ERMARD: variants seen among roughly 807,000 people sequenced by gnomAD.
The protein encoded by ERMARD is ER membrane associated RNA degradation.
Under a neutral mutation model 83.9 loss-of-function variants are expected in ERMARD, and 71 were observed. That is an observed-to-expected ratio of 0.85 (90% confidence interval 0.70 to 1.03). The LOEUF (loss-of-function observed/expected upper bound fraction) is 1.03. ERMARD is among the 50% of genes least tolerant of loss of function. The probability of loss-of-function intolerance (pLI) is 0.00; values close to 1 mark genes in which losing one functional copy is unlikely to be tolerated. For synonymous variants in ERMARD, 284 were observed against 298.6 expected, an observed-to-expected ratio of 0.95 and a Z score of 0.50; for missense variants, 838 against 810.9, an observed-to-expected ratio of 1.03 and a Z score of -0.41.
intron 9 of ERMARD, among the ~76,000 whole-genome samples, chr6:169,763,645 CCT>C (rs1238392260): frequency 6.6e-6 from 1 of 152,230 alleles, no homozygotes; most frequent in Non-Finnish European, 1.5e-5. Context: ...GCTTTTTGCC[CCT>C]CTTTGTAGGC....
intron 14 of ERMARD, 100 bp from the exon 15 acceptor site, chr6:169,775,840 G>C (rs1793524394): frequency 1.4e-6 from 2 of 1,396,038 alleles, no homozygotes; most frequent in Admixed American, 4.8e-5. Context: ...GAGATTCACA[G>C]TCAGGTCGCT....
intron 9 of ERMARD, among the ~76,000 whole-genome samples, chr6:169,765,691 A>T (rs1046568319): frequency 6.6e-6 from 1 of 152,244 alleles, no homozygotes; most frequent in African/African-American, 2.4e-5. Flanking sequence ...ATGTTGAAGA[A>T]TATTGGCAAT....
At chr6:169,751,986 G>C in intron 1 of ERMARD, 1 of 414,100 alleles carries the variant, frequency 2.4e-6, no homozygotes, top group Non-Finnish European at 4.2e-6. Flanking sequence ...GCCGCAGGTC[G>C]GGCTCTCACC....
chr6:169,751,856 G>A (rs1790143567), intron 1 of ERMARD, 193 bp downstream of exon 1: 2 of 794,842 alleles, frequency 2.5e-6, no homozygotes, highest in Non-Finnish European at 3.6e-6. Flanking sequence ...CCTGCAAGAC[G>A]CCTGGCGGGC....
intron 1 of ERMARD, among the ~76,000 whole-genome samples, chr6:169,752,798 A>G (rs1790309244): frequency 6.6e-6 from 1 of 152,114 alleles, no homozygotes; most frequent in Non-Finnish European, 1.5e-5. Flanking sequence ...AATTGTGAGG[A>G]TTTCGATTGT....
In ERMARD at chr6:169,776,518, T is replaced by C; in HGVS notation, c.1584T>C (p.Ile528=). Residue 528 remains isoleucine (I), a synonymous_variant, in exon 16 of 18, where the codon ATT becomes ATC. Transcript: ENST00000366773. ...TPVPTLFCPR[I]VLEVLVVLRS... ...TTCCCACCCTGTTCTGCCCCAGGAT[T>C]GTGCTGGAAGTGCTGGTTGTGCTCC... 2.5e-6 allele frequency: 4 copies of C among 1,614,188 alleles called. No individual in the cohort carries two copies. Among genetic ancestry groups the C allele is most frequent in the Non-Finnish European group, 3.4e-6 (4 of 1,180,042 alleles).
chr6:169,751,710 T>TGC (rs764686304), intron 1 of ERMARD, 47 bp downstream of exon 1: 1 of 1,527,306 alleles, frequency 6.5e-7, no homozygotes, highest in South Asian at 1.2e-5. Context: ...AGGCAGGGAG[T>TGC]CGGCGCCAGG....
At chr6:169,756,580 T>G (rs777405432) in intron 4 of ERMARD, 139 bp from the exon 5 acceptor site, 36 of 949,112 alleles carry the variant, frequency 3.8e-5, no homozygotes, top group African/African-American at 1.0e-4. Context: ...ATTTCCCTTT[T>G]GAATGATTAT....
chr6:169,779,007 C>T (rs1158032046), intron 16 of ERMARD, among the ~76,000 whole-genome samples, 175 bp from the exon 17 acceptor site: 1 of 152,260 alleles, frequency 6.6e-6, no homozygotes, highest in African/African-American at 2.4e-5. Flanking sequence ...CTGGGCACTC[C>T]TGCCGGCCAC....
At chr6:169,770,809 C>CT (rs1183376110) in intron 12 of ERMARD, 6 of 151,058 alleles carry the variant, frequency 4.0e-5, no homozygotes, top group African/African-American at 1.2e-4. Context: ...ATTTTCATTT[C>CT]TTTTTTTATG....
In ERMARD at chr6:169,755,285, C is replaced by T. The variant is rs766562816; in HGVS notation, c.178C>T (p.Gln60Ter). 5 of 1,613,168 alleles carry T rather than the reference C, an allele frequency of 3.1e-6. No individual in the cohort carries two copies. In the South Asian group the frequency reaches 4.4e-5, roughly 14 times the overall value. ...AATTTGTTTTCTTATCCTTTAAGAG[C>T]AGGGTCTGGATTACTGGGGAAGCGT... ...TDCVSYTESE[Q>*]GLDYWGSVRL... Residue 60 changes from glutamine to a stop codon, truncating the protein, a stop_gained and splice_region_variant, in exon 3 of 18, where the codon CAG becomes TAG. Coordinates refer to ENST00000366773, the MANE Select transcript of ERMARD (RefSeq NM_018341.3). LOFTEE classifies it high-confidence loss of function.
rs1338559369 is a variant in ERMARD, at chr6:169,779,220, T to TA, written c.1779dup (p.Leu594ThrfsTer19). ...TCCCCTGTGCTCAGCCTGATACTGT[T>TA]ACTCATTGCGCTGGAGTTGGTCAAC... On this transcript the variant is annotated frameshift_variant, in exon 17 of 18. Coordinates refer to ENST00000366773, the MANE Select transcript of ERMARD (RefSeq NM_018341.3). LOFTEE classifies it high-confidence loss of function. 6.2e-7 allele frequency: 1 copy of TA among 1,614,286 alleles called. No individual in the cohort carries two copies. Among genetic ancestry groups the TA allele is most frequent in the South Asian group, 1.1e-5 (1 of 91,090 alleles).
At chr6:169,751,779 G>C in intron 1 of ERMARD, 116 bp downstream of exon 1, 1 of 1,382,588 alleles carries the variant, frequency 7.2e-7, no homozygotes, top group Non-Finnish European at 9.4e-7. Flanking sequence ...GGTGGCCGGC[G>C]GTCCCGCGCT....
intron 5 of ERMARD, among the ~76,000 whole-genome samples, chr6:169,758,235 A>G (rs1791060235): frequency 6.6e-6 from 1 of 152,224 alleles, no homozygotes; most frequent in South Asian, 2.1e-4. Context: ...AGTCTTCTGG[A>G]GGCTCAACCA....
intron 16 of ERMARD, among the ~76,000 whole-genome samples, chr6:169,778,053 C>T (rs1303843804): frequency 1.3e-5 from 2 of 152,348 alleles, no homozygotes; most frequent in East Asian, 3.9e-4. Flanking sequence ...CACACACCCA[C>T]ACTCACTCTG....
chr6:169,780,769 A>ATT (rs1314722946), intron 17 of ERMARD, among the ~76,000 whole-genome samples: 10 of 152,204 alleles, frequency 6.6e-5, no homozygotes, highest in African/African-American at 2.4e-4. Flanking sequence ...TTCAGTAAAT[A>ATT]TAGTTGGTCC....
Position 169,773,326 on chromosome 6 carries a change from C to G in ERMARD, c.1241C>G (p.Ser414Ter), listed in dbSNP as rs761785031. ...DCLLSVFKEK[S>*]AVELLISLAE... is the part of the protein sequence containing the mutation. ...CTGTTTTCTCTGCACTAGGAAAAATCAGCCGTAGAATTGTTGATTAGTCTT... is the reference window on the plus strand; with the variant it reads ...CTGTTTTCTCTGCACTAGGAAAAATGAGCCGTAGAATTGTTGATTAGTCTT... The change falls in exon 13 of 18, where the codon TCA (serine) becomes TGA (stop). Residue 414 changes from serine to a stop codon, truncating the protein, a stop_gained. Transcript: ENST00000366773. LOFTEE classifies it high-confidence loss of function. The G allele has an allele frequency of 1.2e-6, 2 of 1,613,824 alleles. No individual in the cohort carries two copies. Among genetic ancestry groups the G allele is most frequent in the Non-Finnish European group, 1.7e-6 (2 of 1,179,898 alleles).
chr6:169,781,278 A>C, intron 17 of ERMARD, 52 bp from the exon 18 acceptor site: 1 of 1,484,476 alleles, frequency 6.7e-7, no homozygotes, highest in East Asian at 2.5e-5. Flanking sequence ...CATTTAATTC[A>C]TTGTTTCATT....
intron 1 of ERMARD, among the ~76,000 whole-genome samples, chr6:169,752,222 A>G (rs1563003618): frequency 1.3e-5 from 2 of 152,190 alleles, no homozygotes. Context: ...CCGTCTCCAA[A>G]ATGATGATAA....
Sources: gnomAD v4.1 joint callset for allele counts (sites outside exome capture counted in the v4.1 genomes callset) on GRCh38, gnomAD v4.1.1 for gene constraint, MANE v1.5 for transcripts, NCBI Gene and HGNC (gene_info 2026-07-23, HGNC 2026-07-21) for gene names.